SEPTIN7: variants seen among roughly 807,000 people sequenced by gnomAD.
SEPTIN7 encodes septin-7.
SEPTIN7 carries 10 observed loss-of-function variants against 63.3 expected under a neutral mutation model. The ratio of observed to expected loss-of-function variants is 0.16; its 90% confidence interval spans 0.10 to 0.27. The LOEUF is 0.27. SEPTIN7 is among the 10% of genes least tolerant of loss of function. The pLI is 1.00. For missense variants in SEPTIN7, 310 were observed against 521.0 expected (o/e 0.59, Z 3.94); for synonymous variants, 131 against 165.3 (o/e 0.79, Z 1.59).
At chr7:35,804,835 G>GTTTT (rs57782019) in intron 1 of SEPTIN7, among the ~76,000 whole-genome samples, 13 of 123,296 alleles carry the variant, frequency 1.1e-4, no homozygotes, top group Non-Finnish European at 1.7e-4. Context: ...TTCTTTTTTT[G>GTTTT]TTTTTTTTTT....
chr7:35,891,670 A>G (rs1787653335), intron 11 of SEPTIN7, among the ~76,000 whole-genome samples: 1 of 152,198 alleles, frequency 6.6e-6, no homozygotes, highest in Admixed American at 6.5e-5. Context: ...GTGAAGACCT[A>G]GGACATTACT....
chr7:35,885,609 T>C (rs1050178864), intron 9 of SEPTIN7, among the ~76,000 whole-genome samples: 11 of 152,210 alleles, frequency 7.2e-5, no homozygotes, highest in Admixed American at 3.9e-4. Context: ...GGTTTACATA[T>C]CTATTTCTGA....
At chr7:35,844,030 C>A (rs546307315) in intron 3 of SEPTIN7, among the ~76,000 whole-genome samples, 2 of 152,150 alleles carry the variant, frequency 1.3e-5, no homozygotes, top group African/African-American at 4.8e-5. Context: ...TGAGCTCTTT[C>A]ATAGCATGCT....
At chr7:35,888,665 C>G (rs1143149) in intron 10 of SEPTIN7, among the ~76,000 whole-genome samples, 49,477 of 151,470 alleles carry the variant, frequency 0.33, 8,311 homozygotes, top group East Asian at 0.41. Flanking sequence ...ACTAAAAATA[C>G]AAGAAATAGT....
intron 3 of SEPTIN7, among the ~76,000 whole-genome samples, chr7:35,850,758 C>G (rs1441678036): frequency 1.1e-4 from 17 of 152,064 alleles, no homozygotes; most frequent in Non-Finnish European, 1.9e-4. Context: ...CATATCTTAC[C>G]TCTTGTAGCA....
chr7:35,818,921 T>G (rs367913906), intron 1 of SEPTIN7, among the ~76,000 whole-genome samples: 1 of 152,128 alleles, frequency 6.6e-6, no homozygotes, highest in African/African-American at 2.4e-5. Flanking sequence ...GTGAACTAAC[T>G]TGTGGTTTTG....
intron 1 of SEPTIN7, among the ~76,000 whole-genome samples, chr7:35,811,751 C>T (rs1319534467): frequency 1.3e-5 from 2 of 151,866 alleles, no homozygotes; most frequent in African/African-American, 4.8e-5. Flanking sequence ...AGGCTGGGCG[C>T]GGTGGCTCAT....
intron 1 of SEPTIN7, among the ~76,000 whole-genome samples, chr7:35,824,123 T>C (rs1783385133): frequency 6.6e-6 from 1 of 152,042 alleles, no homozygotes; most frequent in African/African-American, 2.4e-5. Flanking sequence ...TCACCTCCTG[T>C]AGTTTTTTTT....
chr7:35,822,550 C>T (rs1783277688), intron 1 of SEPTIN7, among the ~76,000 whole-genome samples: 1 of 152,042 alleles, frequency 6.6e-6, no homozygotes, highest in African/African-American at 2.4e-5. Context: ...CTGACAGGTG[C>T]CAGAGCTCAG....
At chr7:35,819,630 G>A (rs1292960586) in intron 1 of SEPTIN7, among the ~76,000 whole-genome samples, 3 of 152,100 alleles carry the variant, frequency 2.0e-5, no homozygotes, top group East Asian at 1.9e-4. Flanking sequence ...AGGGACATAC[G>A]TGCTTAAAAT....
At chr7:35,858,208 A>G (rs1017029112) in intron 3 of SEPTIN7, among the ~76,000 whole-genome samples, 3 of 151,918 alleles carry the variant, frequency 2.0e-5, no homozygotes, top group Admixed American at 1.3e-4. Context: ...GCCTCCCAAA[A>G]TTCTGAGATT....
chr7:35,801,942 G>A (rs1788018655), intron 1 of SEPTIN7, among the ~76,000 whole-genome samples: 1 of 152,224 alleles, frequency 6.6e-6, no homozygotes, highest in Admixed American at 6.5e-5. Flanking sequence ...CCGGAAGGCC[G>A]GTGGATGGCG....
rs1043678563 is a variant in SEPTIN7, at chr7:35,906,264, T to A, written c.*1971T>A. ...TATTCTACCATCCTAATGAAAACTTTCAGAAGTCTTTCTTTATCCATGGCA... is the reference window on the plus strand; with the variant it reads ...TATTCTACCATCCTAATGAAAACTTACAGAAGTCTTTCTTTATCCATGGCA... On this transcript the variant is annotated 3_prime_UTR_variant, in exon 14 of 14. Transcript: ENST00000350320. The A allele has an allele frequency of 6.6e-6, 1 of 152,222 alleles. No homozygotes were observed. Among genetic ancestry groups the A allele is most frequent in the African/African-American group, 2.4e-5 (1 of 41,458 alleles). The allele number at this position is 152,222 out of a possible 1,614,324, so 9.4% of individuals were successfully genotyped here. A position where few individuals can be genotyped will look rare whatever the true frequency, so the allele number is the denominator to read the frequency against.
At chr7:35,908,382 G>A (rs1788674017), downstream of SEPTIN7, among the ~76,000 whole-genome samples, 1 of 152,176 alleles carries the variant, frequency 6.6e-6, no homozygotes, top group Non-Finnish European at 1.5e-5. Context: ...TTGCCCCATG[G>A]GGTGCTGGAC....
intron 1 of SEPTIN7, 121 bp downstream of exon 1, chr7:35,801,391 A>AGCCGGGATGGGG (rs1787957110): frequency 7.9e-7 from 1 of 1,265,854 alleles, no homozygotes; most frequent in African/African-American, 1.6e-5. Flanking sequence ...CGGCGAGGGG[A>AGCCGGGATGGGG]GCCGGGATGG....
chr7:35,876,359 A>T (rs1183325892), intron 6 of SEPTIN7, among the ~76,000 whole-genome samples: 2 of 152,204 alleles, frequency 1.3e-5, no homozygotes, highest in Non-Finnish European at 2.9e-5. Flanking sequence ...CACTGGATTG[A>T]TAAGCAGGCT....
At chr7:35,843,045 T>C (rs1784486322) in intron 3 of SEPTIN7, among the ~76,000 whole-genome samples, 1 of 152,200 alleles carries the variant, frequency 6.6e-6, no homozygotes. Context: ...CATATTTGTA[T>C]TGTCCTCTGA....
chr7:35,865,299 GCTCA>G (rs1785748086), intron 4 of SEPTIN7, among the ~76,000 whole-genome samples: 1 of 152,228 alleles, frequency 6.6e-6, no homozygotes, highest in East Asian at 1.9e-4. Flanking sequence ...TCTTCTGTGT[GCTCA>G]CTGTCATTCA....
At chr7:35,902,033 CAT>C (rs1292784252) in intron 12 of SEPTIN7, 2 of 149,746 alleles carry the variant, frequency 1.3e-5, no homozygotes, top group East Asian at 1.9e-4. Context: ...ATTATAGTAA[CAT>C]ATATAATATG....
Sources: gnomAD v4.1 joint callset for allele counts (sites outside exome capture counted in the v4.1 genomes callset) on GRCh38, gnomAD v4.1.1 for gene constraint, MANE v1.5 for transcripts, NCBI Gene and HGNC (gene_info 2026-07-23, HGNC 2026-07-21) for gene names.